The following CTDP1 variants were observed in gnomAD, a reference collection of about 807,000 sequenced individuals.
The protein encoded by CTDP1 is RNA polymerase II subunit A C-terminal domain phosphatase.
In CTDP1, 47 loss-of-function variants were observed where a neutral mutation model predicts 91.8. The observed-to-expected ratio is 0.51, with a 90% CI of 0.41 to 0.65. CTDP1 has a LOEUF of 0.65. CTDP1 is among the 30% of genes least tolerant of loss of function. The pLI is 0.00. For missense variants in CTDP1, 1,272 were observed against 1,373.7 expected (o/e 0.93, Z 1.17); for synonymous variants, 656 against 598.5 (o/e 1.10, Z -1.40).
At chr18:79,684,219 T>G (rs866055561) in intron 1 of CTDP1, among the ~76,000 whole-genome samples, 2 of 152,202 alleles carry the variant, frequency 1.3e-5, no homozygotes. Flanking sequence ...TGCTTGTACA[T>G]GTGCAGCCAG....
intron 4 of CTDP1, among the ~76,000 whole-genome samples, chr18:79,699,639 C>T (rs940837965): frequency 2.0e-5 from 3 of 152,088 alleles, no homozygotes; most frequent in Non-Finnish European, 4.4e-5. Context: ...AAAATACATT[C>T]TGCACACATA....
chr18:79,735,504 C>T (rs1474509629), intron 11 of CTDP1: 1 of 152,544 alleles, frequency 6.6e-6, no homozygotes, highest in Non-Finnish European at 1.5e-5. Context: ...AAGTGCTCTT[C>T]CCTCCGCTAG....
In CTDP1 at chr18:79,715,519, G is replaced by T; in HGVS notation, c.2059G>T (p.Ala687Ser). ...APDRATHLIA[A>S]RAGTEKVLQA... ...TGACAGGGCCACGCACCTGATCGCC[G>T]CGCGAGCTGGTGAGTGCTGCCTCCC... The change falls in exon 8 of 13, where the codon GCG becomes TCG. Residue 687 changes from alanine to serine, a missense_variant. Ala to Ser is a moderately conservative substitution (Grantham distance 99). Around this residue, in one of 3 missense-constraint regions of CTDP1, gnomAD observed 881 missense variants for 911.6 expected, o/e 0.97. Coordinates refer to ENST00000613122, the MANE Select transcript of CTDP1 (RefSeq NM_004715.5). 6.4e-7 allele frequency: 1 copy of T among 1,552,164 alleles called. No homozygotes were observed.
At chr18:79,707,635 T>C (rs1459777276) in intron 5 of CTDP1, among the ~76,000 whole-genome samples, 2 of 152,226 alleles carry the variant, frequency 1.3e-5, no homozygotes, top group East Asian at 3.9e-4. Flanking sequence ...AGTATCCCTT[T>C]GAACATGGAT....
At chr18:79,682,647 G>A (rs1218243117) in intron 1 of CTDP1, among the ~76,000 whole-genome samples, 2 of 152,186 alleles carry the variant, frequency 1.3e-5, no homozygotes, top group Admixed American at 1.3e-4. Context: ...GCTGGGTGTG[G>A]AGCCCAGCCT....
chr18:79,733,221 C>T (rs944380693), intron 11 of CTDP1, among the ~76,000 whole-genome samples: 1 of 151,740 alleles, frequency 6.6e-6, no homozygotes, highest in African/African-American at 2.4e-5. Context: ...GCGGCCTCAG[C>T]AGAGGACAGG....
In CTDP1 at chr18:79,714,696, C is replaced by T. The variant is rs1420176859; in HGVS notation, c.1236C>T (p.Ala412=). ...GGGACATCTGGCCCCCTGCCCAGGCCCCCACCAGCAGCCAAGAGCTGGCAG... is the reference window on the plus strand; with the variant it reads ...GGGACATCTGGCCCCCTGCCCAGGCTCCCACCAGCAGCCAAGAGCTGGCAG... ...DERDIWPPAQ[A]PTSSQELAGA... The change falls in exon 8 of 13, where the codon GCC becomes GCT. Residue 412 remains alanine, a synonymous_variant. Coordinates refer to ENST00000613122, the MANE Select transcript of CTDP1 (RefSeq NM_004715.5). The T allele has an allele frequency of 1.2e-6, 2 of 1,609,474 alleles. No homozygotes were observed. The highest frequency in any genetic ancestry group is 1.7e-5 in the Admixed American group (1 of 59,520).
intron 6 of CTDP1, 148 bp downstream of exon 6, chr18:79,710,584 G>A (rs548785356): frequency 1.4e-4 from 91 of 639,484 alleles, no homozygotes; most frequent in African/African-American, 1.3e-3. Context: ...GCAGTGGCGC[G>A]ATCTCGGCTC....
At chr18:79,726,058 C>T (rs1043883468) in intron 10 of CTDP1, among the ~76,000 whole-genome samples, 1 of 152,168 alleles carries the variant, frequency 6.6e-6, no homozygotes, top group East Asian at 1.9e-4. Context: ...TGTCTTTTGA[C>T]GTCTTTGGGA....
At chr18:79,679,691 C>T, upstream of CTDP1, 1 of 534,878 alleles carries the variant, frequency 1.9e-6, no homozygotes, top group Admixed American at 2.3e-5. Context: ...ACGGCCGGCA[C>T]GCAGGGTTGG....
chr18:79,682,577 G>T (rs557358267), intron 1 of CTDP1, among the ~76,000 whole-genome samples: 12 of 152,226 alleles, frequency 7.9e-5, no homozygotes, highest in Non-Finnish European at 1.5e-4. Flanking sequence ...CCTTTATGTA[G>T]ATGTTTTTCA....
In CTDP1 at chr18:79,710,580, G is replaced by T. The variant is rs181664936; in HGVS notation, c.863+144G>T. 1.3e-4 allele frequency: 89 copies of T among 660,662 alleles called. 3 individuals are homozygous for T. In the Middle Eastern group the frequency reaches 1.5e-3, roughly 11 times the overall value. The allele number at this position is 660,662 out of a possible 1,614,324, so 40.9% of individuals were successfully genotyped here. Reference sequence around the variant, plus strand: ...CTGTTGCCCAGGCTAGAGTGCAGTGGCGCGATCTCGGCTCACTGCAAGCTC... The same window carrying T: ...CTGTTGCCCAGGCTAGAGTGCAGTGTCGCGATCTCGGCTCACTGCAAGCTC... On this transcript the variant is annotated intron_variant, in intron 6 of 12. Transcript: ENST00000613122.
At chr18:79,730,212 T>TA (rs1427610326) in intron 11 of CTDP1, among the ~76,000 whole-genome samples, 2 of 152,172 alleles carry the variant, frequency 1.3e-5, no homozygotes, top group Non-Finnish European at 1.5e-5. Flanking sequence ...ATGTTTTCTC[T>TA]AAAAAAAATT....
chr18:79,716,323 G>A (rs1310047551), intron 8 of CTDP1, among the ~76,000 whole-genome samples: 1 of 152,210 alleles, frequency 6.6e-6, no homozygotes, highest in African/African-American at 2.4e-5. Flanking sequence ...CTGACAGCAG[G>A]TGTGGTCTTA....
At chr18:79,724,900 G>C (rs976639128) in intron 10 of CTDP1, among the ~76,000 whole-genome samples, 7 of 152,302 alleles carry the variant, frequency 4.6e-5, no homozygotes, top group African/African-American at 1.7e-4. Context: ...GGCTGCTTCT[G>C]CCGCAGCGTC....
In CTDP1 at chr18:79,722,838, G is replaced by A. The variant is rs143669088; in HGVS notation, c.2417+4822G>A. On this transcript the variant is annotated intron_variant, in intron 10 of 12. Coordinates refer to ENST00000613122, the MANE Select transcript of CTDP1 (RefSeq NM_004715.5). The stretch of plus-strand genomic sequence containing the variant: ...CGGGACCAGCCGGCAGGAGTTCTGC[G>A]GGGCCTTCGTGCTGCGGTGAGGACC... 3.4e-4 allele frequency among the ~76,000 whole-genome samples: 52 copies of A among 152,324 alleles called. No homozygotes were observed. In the East Asian group the frequency reaches 7.7e-3, roughly 23 times the overall value.
rs755884007 is a variant in CTDP1 at position 79,715,288 on chromosome 18, C to T, written c.1828C>T (p.Arg610Cys). Residue 610 changes from arginine to cysteine, a missense_variant, in exon 8 of 13, where the codon CGC becomes TGC. Transcript: ENST00000613122. ...VHTDYYAKYD[R>C]YLNKEIEEAP... ...CACTGACTACTATGCCAAGTATGAC[C>T]GCTACCTCAACAAGGAGATCGAGGA... 43 of 1,610,092 alleles carry T rather than the reference C, an allele frequency of 2.7e-5. No individual in the cohort carries two copies. Among genetic ancestry groups the T allele is most frequent in the South Asian group, 3.3e-5 (3 of 90,314 alleles).
In CTDP1 at chr18:79,734,778, C is replaced by T. The variant is rs550367809; in HGVS notation, c.2581-1577C>T. Among the ~76,000 whole-genome samples, 15 of 152,334 alleles carry T rather than the reference C, an allele frequency of 9.8e-5. No homozygotes were observed. The East Asian group carries it at 1.2e-3, about 12-fold the overall frequency. On this transcript the variant is annotated intron_variant, in intron 11 of 12. Coordinates refer to ENST00000613122, the MANE Select transcript of CTDP1 (RefSeq NM_004715.5). The stretch of plus-strand genomic sequence containing the variant: ...ATTATTCCCGTAGGAGATTTGCCAT[C>T]GAAACAGTAAATTCAGTGATGTAAG...
At chr18:79,719,189 C>T (rs532603541) in intron 10 of CTDP1, among the ~76,000 whole-genome samples, 2 of 152,228 alleles carry the variant, frequency 1.3e-5, no homozygotes, top group Non-Finnish European at 2.9e-5. Context: ...TTTTCTGTTT[C>T]ATAGATTGTG....
Sources: allele counts gnomAD v4.1 joint callset (sites outside exome capture counted in the v4.1 genomes callset), GRCh38; gene constraint gnomAD v4.1.1; regional missense constraint gnomAD v4.1.1; transcripts MANE v1.5; gene names NCBI Gene and HGNC (gene_info 2026-07-23, HGNC 2026-07-21).